Variants in DENND6B observed in about 807,000 individuals in gnomAD.
DENND6B encodes DENN domain containing 6B, also known as protein DENND6B.
DENND6B carries 73 observed loss-of-function variants against 85.1 expected under a neutral mutation model. The ratio of observed to expected loss-of-function variants is 0.86; its 90% CI spans 0.71 to 1.04. The LOEUF (loss-of-function observed/expected upper bound fraction) is 1.04. DENND6B is among the 50% of genes least tolerant of loss of function. DENND6B has a pLI of 0.00. For synonymous variants in DENND6B, 357 were observed against 329.3 expected, an observed-to-expected ratio of 1.08 and a Z score of -0.91; for missense variants, 715 against 785.8, an observed-to-expected ratio of 0.91 and a Z score of 1.08.
At chr22:50,315,569 CAT>C in intron 9 of DENND6B, 143 bp downstream of exon 9, 1 of 999,132 alleles carries the variant, frequency 1.0e-6, no homozygotes, top group South Asian at 1.7e-5. Context: ...TGGCGCTGGC[CAT>C]ACACACACAC....
chr22:50,319,366 A>G, intron 1 of DENND6B: 2 of 985,324 alleles, frequency 2.0e-6, no homozygotes, highest in Non-Finnish European at 2.4e-6. Context: ...CCTCTCAGTA[A>G]GAGGCCAGCA....
Position 50,316,092 on chromosome 22 carries a change from G to A in DENND6B, c.640-5C>T, listed in dbSNP as rs200491657. ...CACCCTGGATGGGATGCGCACCTGG[G>A]AGAAGGAGGGAGCAGCTGCCAGAGG... On this transcript the variant is annotated splice_region_variant and splice_polypyrimidine_tract_variant and intron_variant, in intron 7 of 19. Coordinates refer to ENST00000413817, the MANE Select transcript of DENND6B (RefSeq NM_001001794.4). 1.3e-5 allele frequency: 21 copies of A among 1,612,594 alleles called. No individual in the cohort carries two copies. Among genetic ancestry groups the A allele is most frequent in the Non-Finnish European group, 1.4e-5 (17 of 1,179,868 alleles).
rs749467423 is a variant in DENND6B, at chr22:50,312,299, G to A, written c.1636-38C>T. 22 of 1,610,984 alleles carry A rather than the reference G, an allele frequency of 1.4e-5. No individual in the cohort carries two copies. In the East Asian group the frequency reaches 2.2e-4, roughly 16 times the overall value. ...CCATGGTCAGGGCAGGCGCAGCTCC[G>A]TGCCAGGCTGGTGGCGCTGGGACAA... On this transcript the variant is annotated intron_variant, in intron 19 of 19. Coordinates refer to ENST00000413817, the MANE Select transcript of DENND6B (RefSeq NM_001001794.4).
In DENND6B at chr22:50,312,320, G is replaced by A. The variant is rs1024276231; in HGVS notation, c.1635+23C>T. On this transcript the variant is annotated intron_variant, in intron 19 of 19. Coordinates refer to ENST00000413817, the MANE Select transcript of DENND6B (RefSeq NM_001001794.4). ...CTCCGTGCCAGGCTGGTGGCGCTGG[G>A]ACAAGGCTGGGAGGCATCTTACCAG... The A allele has an allele frequency of 4.3e-6, 7 of 1,611,220 alleles. No individual in the cohort carries two copies. The African/African-American group carries it at 8.0e-5, about 18-fold the overall frequency.
chr22:50,320,684 C>T (rs1015071667), intron 1 of DENND6B, among the ~76,000 whole-genome samples: 12 of 152,176 alleles, frequency 7.9e-5, no homozygotes, highest in Non-Finnish European at 2.9e-5. Context: ...CTCAGGATAG[C>T]TCCATGAGGG....
rs780945992 is a variant in DENND6B, at chr22:50,313,915, G to A, written c.1139-37C>T. On this transcript the variant is annotated intron_variant, in intron 13 of 19. Transcript: ENST00000413817. ...GCACAGCTGGCGCCCCACCCTTCAA[G>A]GGCCTCCCTCCCACACTCCTGCAGC... 1.8e-4 allele frequency: 282 copies of A among 1,577,416 alleles called. 3 individuals are homozygous for A. The South Asian group carries it at 2.7e-3, about 15-fold the overall frequency.
chr22:50,321,920 C>A (rs191448783), intron 1 of DENND6B, among the ~76,000 whole-genome samples: 1 of 151,940 alleles, frequency 6.6e-6, no homozygotes, highest in East Asian at 1.9e-4. Flanking sequence ...TGCTATGCTG[C>A]CCAAGCTGGT....
intron 9 of DENND6B, 72 bp from the exon 10 acceptor site, chr22:50,314,993 C>T (rs1244501757): frequency 1.9e-6 from 3 of 1,580,000 alleles, no homozygotes; most frequent in Non-Finnish European, 2.6e-6. Context: ...CGCTCTCCCA[C>T]CGTTCACCCA....
chr22:50,315,979 G>A (rs762143788), intron 8 of DENND6B, 46 bp downstream of exon 8: 16 of 1,611,384 alleles, frequency 9.9e-6, no homozygotes, highest in East Asian at 2.2e-5. Context: ...GGACTCAATC[G>A]GGTGAAGCCC....
In DENND6B at chr22:50,318,706, G is replaced by A. The variant is rs1268597243; in HGVS notation, c.259+141C>T. The A allele has an allele frequency of 2.4e-6, 3 of 1,227,748 alleles. No individual in the cohort carries two copies. The African/African-American group carries it at 4.5e-5, about 18-fold the overall frequency. The allele number at this position is 1,227,748 out of a possible 1,614,324, so 76.1% of individuals were successfully genotyped here. A position where few individuals can be genotyped will look rare whatever the true frequency, so the allele number is the denominator to read the frequency against. ...GCGGGGCTCTGGGTGCCTCCACGGA[G>A]TGGGCATGGGGCTGGTGCTGCTCAC... On this transcript the variant is annotated intron_variant, in intron 3 of 19. Transcript: ENST00000413817.
chr22:50,319,430 C>G, intron 1 of DENND6B: 3 of 985,410 alleles, frequency 3.0e-6, no homozygotes, highest in Non-Finnish European at 3.6e-6. Context: ...TCACAGCCAC[C>G]CAACCACCTC....
rs1286429919 is a variant in DENND6B at position 50,309,381 on chromosome 22, T to A, written c.*2758A>T. On this transcript the variant is annotated 3_prime_UTR_variant, in exon 20 of 20. Transcript: ENST00000413817. ...TTCCTGCCTCTTCACTGACTGCCCCTGGCCTGGAGTGCGTGGGGCGGGGAG... is the reference window on the plus strand; with the variant it reads ...TTCCTGCCTCTTCACTGACTGCCCCAGGCCTGGAGTGCGTGGGGCGGGGAG... 1.3e-5 allele frequency: 2 copies of A among 152,328 alleles called. No homozygotes were observed. Among genetic ancestry groups the A allele is most frequent in the Non-Finnish European group, 2.9e-5 (2 of 68,134 alleles). 9.4% of individuals were successfully genotyped at this position (152,328 alleles called of 1,614,324 possible). A position where few individuals can be genotyped will look rare whatever the true frequency, so the allele number is the denominator to read the frequency against.
At position 50,318,039 on chromosome 22, in the gene DENND6B, ACC is replaced by A; in HGVS notation, c.260-21_260-20del. The A allele has an allele frequency of 1.9e-6, 3 of 1,610,782 alleles. No homozygotes were observed. The highest frequency in any genetic ancestry group is 2.5e-6 in the Non-Finnish European group (3 of 1,178,974). On this transcript the variant is annotated intron_variant, in intron 3 of 19. Transcript: ENST00000413817. Reference sequence around the variant, plus strand: ...AGGCAGCCTAAGAAGGGGCAGCCCCACCACACGGGTCAAGGCCGGGAGCCTCT... The same window carrying A: ...AGGCAGCCTAAGAAGGGGCAGCCCCAACACGGGTCAAGGCCGGGAGCCTCT...
chr22:50,317,484 G>A lies in DENND6B; in HGVS notation c.373-111C>T, dbSNP rs1368644438. 8.2e-6 allele frequency: 10 copies of A among 1,225,220 alleles called. No homozygotes were observed. In the South Asian group the frequency reaches 8.9e-5, roughly 11 times the overall value. 75.9% of individuals were successfully genotyped at this position (1,225,220 alleles called of 1,614,324 possible). A position where few individuals can be genotyped will look rare whatever the true frequency, so the allele number is the denominator to read the frequency against. ...GGACTGCTGCAGATGGAAGGCTGGA[G>A]AACCAGGAGGCTCCTGGAGCTGCTG... On this transcript the variant is annotated intron_variant, in intron 4 of 19. Transcript: ENST00000413817.
At chr22:50,313,917 G>A (rs769516845) in intron 13 of DENND6B, 39 bp from the exon 14 acceptor site, 2 of 1,573,884 alleles carry the variant, frequency 1.3e-6, no homozygotes, top group South Asian at 1.2e-5. Flanking sequence ...CCCTTCAAGG[G>A]CCTCCCTCCC....
At chr22:50,317,873 G>C in intron 4 of DENND6B, 35 bp downstream of exon 4, 1 of 1,580,554 alleles carries the variant, frequency 6.3e-7, no homozygotes, top group Non-Finnish European at 8.6e-7. Context: ...GGGGAGCAGG[G>C]GAGAAGCAGG....
rs2068058598 is a variant in DENND6B, at chr22:50,311,414, C to T, written c.*725G>A. On this transcript the variant is annotated 3_prime_UTR_variant, in exon 20 of 20. Transcript: ENST00000413817. ...CACACTTGGACAACAGGAGCCCTGT[C>T]CACCTCCCAGAAGGGACGCACGGAG... is the stretch of plus-strand genomic sequence containing the variant. 6.6e-6 allele frequency: 1 copy of T among 152,398 alleles called. No homozygotes were observed. The highest frequency in any genetic ancestry group is 3.4e-3 in the Middle Eastern group (1 of 298). The allele number at this position is 152,398 out of a possible 1,614,324, so 9.4% of individuals were successfully genotyped here.
Position 50,316,429 on chromosome 22 carries a change from G to A in DENND6B, c.500C>T (p.Ala167Val), listed in dbSNP as rs571592868. Residue 167 changes from alanine to valine, a missense_variant, in exon 6 of 20, where the codon GCG becomes GTG. Physicochemically the swap from Ala to Val is moderately conservative, Grantham distance 64. Coordinates refer to ENST00000413817, the MANE Select transcript of DENND6B (RefSeq NM_001001794.4). ...CTCGGGGGCGATGAGGCTTAGCAGCGCTTGGAACAGCCGGACAAAGGGCAA... is the reference window on the plus strand; with the variant it reads ...CTCGGGGGCGATGAGGCTTAGCAGCACTTGGAACAGCCGGACAAAGGGCAA... Reference protein sequence around the residue: ...SRLPFVRLFQALLSLIAPEYF... With the variant: ...SRLPFVRLFQVLLSLIAPEYF... The A allele has an allele frequency of 3.2e-5, 51 of 1,588,912 alleles. 2 individuals are homozygous for A. In the East Asian group the frequency reaches 5.8e-4, roughly 18 times the overall value.
intron 13 of DENND6B, 88 bp downstream of exon 13, chr22:50,314,119 G>A (rs374286615): frequency 8.6e-5 from 125 of 1,458,816 alleles, no homozygotes; most frequent in Middle Eastern, 3.9e-4. Context: ...AGGGGTCTGG[G>A]GGCCTGGCTG....
Sources: allele counts gnomAD v4.1 joint callset (sites outside exome capture counted in the v4.1 genomes callset), GRCh38; gene constraint gnomAD v4.1.1; transcripts MANE v1.5; gene names NCBI Gene and HGNC (gene_info 2026-07-23, HGNC 2026-07-21).